NRG3: variants seen among roughly 807,000 people sequenced by gnomAD.
NRG3 encodes neuregulin 3.
NRG3 carries 31 observed loss-of-function variants against 66.9 expected under a neutral mutation model. The ratio of observed to expected loss-of-function variants is 0.46; its 90% CI spans 0.35 to 0.63. The LOEUF (loss-of-function observed/expected upper bound fraction) is 0.63, where lower values mean the gene tolerates loss of function less well. Among genes scored for constraint, NRG3 ranks in the 20% least tolerant of loss-of-function variants. The pLI, the probability that NRG3 is intolerant of heterozygous loss-of-function variation, is 0.00. For synonymous variants in NRG3, 393 were observed against 359.4 expected (o/e 1.09, Z -1.06); for missense variants, 910 against 878.9 (o/e 1.04, Z -0.45).
At chr10:82,958,209 G>T (rs562432733) in intron 5 of NRG3, among the ~76,000 whole-genome samples, 1 of 152,272 alleles carries the variant, frequency 6.6e-6, no homozygotes, top group Admixed American at 6.5e-5. Context: ...AGGTTGGCTG[G>T]GCTGAGATCC....
chr10:82,836,271 T>G (rs759066006), intron 3 of NRG3, among the ~76,000 whole-genome samples: 3 of 152,094 alleles, frequency 2.0e-5, no homozygotes, highest in Non-Finnish European at 4.4e-5. Flanking sequence ...AAAAAAAAAT[T>G]GATGATCATT....
At chr10:82,334,145 A>C (rs937467268) in intron 1 of NRG3, among the ~76,000 whole-genome samples, 4 of 150,078 alleles carry the variant, frequency 2.7e-5, no homozygotes, top group Non-Finnish European at 5.9e-5. Flanking sequence ...TCAAAAAAAA[A>C]AAAAAAAAAA....
intron 1 of NRG3, among the ~76,000 whole-genome samples, chr10:82,235,634 G>A (rs2076717434): frequency 6.6e-6 from 1 of 152,058 alleles, no homozygotes; most frequent in African/African-American, 2.4e-5. Context: ...ATCTCACCTG[G>A]TGCTTTATCT....
intron 2 of NRG3, among the ~76,000 whole-genome samples, chr10:82,632,029 G>A (rs977762971): frequency 2.0e-5 from 3 of 152,044 alleles, no homozygotes; most frequent in African/African-American, 7.2e-5. Flanking sequence ...TTGAACCCGG[G>A]AGACAGAGGT....
At chr10:82,511,088 G>A (rs1471267733) in intron 2 of NRG3, among the ~76,000 whole-genome samples, 1 of 152,176 alleles carries the variant, frequency 6.6e-6, no homozygotes, top group African/African-American at 2.4e-5. Context: ...CTGCCAAAAG[G>A]TAAGGCTGGA....
intron 2 of NRG3, among the ~76,000 whole-genome samples, chr10:82,627,074 T>A (rs1046909133): frequency 6.6e-6 from 1 of 152,122 alleles, no homozygotes; most frequent in African/African-American, 2.4e-5. Flanking sequence ...TTAATAAGGC[T>A]GCTCCTGACA....
chr10:82,005,431 C>G (rs1048277812), intron 1 of NRG3, among the ~76,000 whole-genome samples: 2 of 152,294 alleles, frequency 1.3e-5, no homozygotes, highest in Non-Finnish European at 1.5e-5. Context: ...AGTTTAGTCT[C>G]TCAATGAGAA....
chr10:82,916,900 G>A (rs1222161246), intron 4 of NRG3, among the ~76,000 whole-genome samples: 1 of 152,178 alleles, frequency 6.6e-6, no homozygotes. Flanking sequence ...ACAGGCGTAA[G>A]CCACTTCACC....
chr10:82,650,598 T>C (rs1474357528), intron 2 of NRG3, among the ~76,000 whole-genome samples: 2 of 152,184 alleles, frequency 1.3e-5, no homozygotes, highest in East Asian at 3.9e-4. Context: ...TTTCAGTAGG[T>C]TGCTACTGAT....
intron 1 of NRG3, among the ~76,000 whole-genome samples, chr10:81,928,671 C>A (rs915381589): frequency 2.6e-5 from 4 of 152,080 alleles, no homozygotes; most frequent in Admixed American, 1.3e-4. Context: ...GTATAAATAT[C>A]CTAAATGTCC....
chr10:82,006,307 T>G (rs1216123250), intron 1 of NRG3, among the ~76,000 whole-genome samples: 4 of 152,140 alleles, frequency 2.6e-5, no homozygotes, highest in Admixed American at 6.6e-5. Flanking sequence ...TATTTATTTT[T>G]ATTTTCTTAC....
At chr10:82,005,897 TTGTGTG>T (rs58906037) in intron 1 of NRG3, among the ~76,000 whole-genome samples, 2 of 148,848 alleles carry the variant, frequency 1.3e-5, no homozygotes, top group African/African-American at 4.9e-5. Context: ...AATGTGTATT[TTGTGTG>T]TGTGTGTGTG....
At chr10:82,965,975 TA>T in intron 6 of NRG3, among the ~76,000 whole-genome samples, 1 of 152,258 alleles carries the variant, frequency 6.6e-6, no homozygotes. Flanking sequence ...TCATTTATGT[TA>T]TTTTCTATTT....
intron 1 of NRG3, among the ~76,000 whole-genome samples, chr10:82,344,109 T>A (rs1188291082): frequency 3.3e-5 from 5 of 151,124 alleles, no homozygotes; most frequent in African/African-American, 4.9e-5. Flanking sequence ...CATGTGCACA[T>A]TGTGCAGGTT....
intron 1 of NRG3, among the ~76,000 whole-genome samples, chr10:82,149,987 C>A (rs747809636): frequency 6.6e-6 from 1 of 152,094 alleles, no homozygotes; most frequent in African/African-American, 2.4e-5. Flanking sequence ...GGAATCCCGA[C>A]GAGATGGAAC....
intron 3 of NRG3, among the ~76,000 whole-genome samples, chr10:82,759,376 GAACT>G (rs2059213546): frequency 6.6e-6 from 1 of 151,892 alleles, no homozygotes; most frequent in South Asian, 2.1e-4. Context: ...AGAAAATCTT[GAACT>G]TTCCAGTCAC....
At chr10:82,606,588 C>G (rs1338125303) in intron 2 of NRG3, among the ~76,000 whole-genome samples, 4 of 152,018 alleles carry the variant, frequency 2.6e-5, no homozygotes, top group African/African-American at 7.2e-5. Flanking sequence ...ACTGAAAACA[C>G]CAGCACAAGG....
chr10:82,053,663 C>G (rs961688591), intron 1 of NRG3, among the ~76,000 whole-genome samples: 5 of 152,072 alleles, frequency 3.3e-5, no homozygotes, highest in Non-Finnish European at 5.9e-5. Flanking sequence ...AATTCCTGGC[C>G]TCTTGGAAAA....
chr10:82,465,812 T>C (rs1840615960), intron 2 of NRG3, among the ~76,000 whole-genome samples: 1 of 152,178 alleles, frequency 6.6e-6, no homozygotes, highest in Non-Finnish European at 1.5e-5. Context: ...CTGCTGGGCC[T>C]TTTTCAATAC....
Sources: allele counts gnomAD v4.1 joint callset (sites outside exome capture counted in the v4.1 genomes callset), GRCh38; gene constraint gnomAD v4.1.1; transcripts MANE v1.5; gene names NCBI Gene and HGNC (gene_info 2026-07-23, HGNC 2026-07-21).